MRTFA: variants seen among roughly 807,000 people sequenced by gnomAD.
MRTFA encodes myocardin related transcription factor A, also known as myocardin-related transcription factor A.
A neutral mutation model predicts 83.5 loss-of-function variants in MRTFA; 20 were observed. The ratio of observed to expected loss-of-function variants is 0.24; its 90% CI spans 0.17 to 0.35. The LOEUF is 0.35. Among genes scored for constraint, MRTFA ranks in the 10% least tolerant of loss-of-function variants. The pLI, the probability that MRTFA is intolerant of heterozygous loss-of-function variation, is 1.00. For synonymous variants in MRTFA, 659 were observed against 541.2 expected (o/e 1.22, Z -3.02); for missense variants, 1,200 against 1,224.7 (o/e 0.98, Z 0.30).
Position 40,500,349 on chromosome 22 carries a change from T to A in MRTFA, c.242-37063A>T, listed in dbSNP as rs200508787. Among the ~76,000 whole-genome samples, 30 of 2,788 alleles carry A rather than the reference T, an allele frequency of 0.011. No homozygotes were observed. In the Non-Finnish European group the frequency reaches 0.2, roughly 19 times the overall value. 1.8% of individuals were successfully genotyped at this position (2,788 alleles called of 152,430 possible). On this transcript the variant is annotated intron_variant, in intron 3 of 14. Transcript: ENST00000355630. ...TTTGTTACAGTTTTTATTTTTTTTA[T>A]TTTTTTTTTAACATTTCATTTTTTA...
chr22:40,612,114 T>C (rs748595666), intron 1 of MRTFA, among the ~76,000 whole-genome samples: 1 of 152,174 alleles, frequency 6.6e-6, no homozygotes, highest in Non-Finnish European at 1.5e-5. Flanking sequence ...GTAAATTTCA[T>C]ATATAATCAA....
At chr22:40,459,996 G>A (rs912503664) in intron 4 of MRTFA, among the ~76,000 whole-genome samples, 2 of 151,696 alleles carry the variant, frequency 1.3e-5, no homozygotes, top group African/African-American at 2.4e-5. Flanking sequence ...AGGCTGGAGT[G>A]CGGTGGTGCA....
At chr22:40,540,100 G>A (rs527873407) in intron 3 of MRTFA, among the ~76,000 whole-genome samples, 1 of 151,456 alleles carries the variant, frequency 6.6e-6, no homozygotes, top group East Asian at 2.0e-4. Context: ...TGTAGAGATG[G>A]GGGTTGTCAT....
At position 40,420,936 on chromosome 22, in the gene MRTFA, C is replaced by A; in HGVS notation, c.1092G>T (p.Gln364His). The change falls in exon 10 of 15, where the codon CAG (glutamine) becomes CAT (histidine). Residue 364 changes from glutamine (Q) to histidine (H), a missense_variant. By Grantham distance (24) the Gln-to-His change is conservative. Transcript: ENST00000355630. The stretch of plus-strand genomic sequence containing the variant: ...GCAGCTGGAGGAAGAGCTGCTGCTG[C>A]TGCAGGATCTTGGCGTAGGATGAGT... 1 of 1,614,118 alleles carries A rather than the reference C, an allele frequency of 6.2e-7. No homozygotes were observed. The highest frequency in any genetic ancestry group is 1.3e-5 in the African/African-American group (1 of 75,070).
At chr22:40,601,589 T>C (rs2056259291) in intron 1 of MRTFA, among the ~76,000 whole-genome samples, 2 of 152,336 alleles carry the variant, frequency 1.3e-5, no homozygotes, top group Middle Eastern at 3.4e-3. Flanking sequence ...GCCTAGACTC[T>C]AGCCTAGTTT....
chr22:40,466,769 C>A (rs553432302), intron 3 of MRTFA, among the ~76,000 whole-genome samples: 122 of 152,148 alleles, frequency 8.0e-4, no homozygotes, highest in African/African-American at 2.9e-3. Context: ...CTTAAGTAAA[C>A]CATATATGAA....
intron 2 of MRTFA, among the ~76,000 whole-genome samples, chr22:40,575,926 CAACA>C (rs1489321526): frequency 6.6e-6 from 1 of 151,734 alleles, no homozygotes; most frequent in Admixed American, 6.6e-5. Context: ...AGTAAGAGCT[CAACA>C]AACACTAAGC....
Position 40,418,815 on chromosome 22 carries a change from G to A in MRTFA, c.1923C>T (p.Leu641=). 1 of 1,609,586 alleles carries A rather than the reference G, an allele frequency of 6.2e-7. No individual in the cohort carries two copies. The highest frequency in any genetic ancestry group is 1.1e-5 in the South Asian group (1 of 91,010). The change falls in exon 12 of 15, where the codon CTC becomes CTT. Residue 641 remains leucine, a synonymous_variant. Coordinates refer to ENST00000355630, the MANE Select transcript of MRTFA (RefSeq NM_020831.6). ...GCTCCACCAGCTGCTGCTTCTGCCG[G>A]AGCATGCGCGTCAGCGCCTCGATCT... is the stretch of plus-strand genomic sequence containing the variant.
chr22:40,536,375 CT>C (rs1569317328), intron 3 of MRTFA, among the ~76,000 whole-genome samples: 1 of 150,300 alleles, frequency 6.7e-6, no homozygotes, highest in African/African-American at 2.5e-5. Flanking sequence ...GGCAGCGGAG[CT>C]GTCTCAGTCT....
chr22:40,431,611 G>A, intron 5 of MRTFA, 131 bp from the exon 6 acceptor site: 1 of 841,344 alleles, frequency 1.2e-6, no homozygotes, highest in South Asian at 1.5e-5. Flanking sequence ...TTAACTTGGT[G>A]ACTGCAGGGT....
chr22:40,418,290 G>A, intron 12 of MRTFA, 84 bp downstream of exon 12: 1 of 1,533,378 alleles, frequency 6.5e-7, no homozygotes, highest in Non-Finnish European at 8.7e-7. Context: ...CAGCACGAGG[G>A]GTCCCCTGGC....
chr22:40,497,318 G>C (rs574437366), intron 3 of MRTFA, among the ~76,000 whole-genome samples: 63 of 152,230 alleles, frequency 4.1e-4, no homozygotes, highest in African/African-American at 1.4e-3. Context: ...ACGCACAAAA[G>C]CAAAAGTTAT....
chr22:40,501,799 T>TG (rs2054481856), intron 3 of MRTFA, among the ~76,000 whole-genome samples: 4 of 35,428 alleles, frequency 1.1e-4, no homozygotes, highest in African/African-American at 2.9e-4. Flanking sequence ...GCTGGCCGGG[T>TG]GGAGGGCTGA....
intron 1 of MRTFA, among the ~76,000 whole-genome samples, chr22:40,604,969 A>G (rs1292062382): frequency 6.6e-6 from 1 of 152,168 alleles, no homozygotes; most frequent in Non-Finnish European, 1.5e-5. Context: ...CCTATCAGGA[A>G]AAGCTTCCCA....
chr22:40,459,782 T>TATACACACAC (rs1261144482), intron 4 of MRTFA, among the ~76,000 whole-genome samples: 15 of 88,924 alleles, frequency 1.7e-4, no homozygotes, highest in East Asian at 3.2e-4. Context: ...TGATAAAATA[T>TATACACACAC]ACACACACAC....
chr22:40,429,507 A>C (rs747806000), intron 7 of MRTFA, 99 bp downstream of exon 7: 5 of 1,388,418 alleles, frequency 3.6e-6, no homozygotes, highest in Non-Finnish European at 5.1e-6. Context: ...TCAAAGATTA[A>C]GAAGTCAAGA....
At chr22:40,537,795 C>A in intron 3 of MRTFA, among the ~76,000 whole-genome samples, 1 of 31,270 alleles carries the variant, frequency 3.2e-5, no homozygotes, top group South Asian at 8.2e-4. Flanking sequence ...GCCTGGCCAG[C>A]CGCCCCGTCC....
intron 2 of MRTFA, among the ~76,000 whole-genome samples, chr22:40,588,983 AG>A (rs1005635316): frequency 1.3e-5 from 2 of 152,136 alleles, no homozygotes; most frequent in Non-Finnish European, 2.9e-5. Context: ...ACCTTGTCTC[AG>A]GGGAAAAAAA....
At chr22:40,525,114 T>C (rs576009241) in intron 3 of MRTFA, among the ~76,000 whole-genome samples, 5 of 152,048 alleles carry the variant, frequency 3.3e-5, no homozygotes, top group African/African-American at 1.2e-4. Flanking sequence ...CCAGCCAACA[T>C]AAGCTTTATT....
Sources: allele counts gnomAD v4.1 joint callset (sites outside exome capture counted in the v4.1 genomes callset), GRCh38; gene constraint gnomAD v4.1.1; transcripts MANE v1.5; gene names NCBI Gene and HGNC (gene_info 2026-07-23, HGNC 2026-07-21).